The following FAM161A variants were observed in gnomAD, a reference collection of about 807,000 sequenced individuals.
FAM161A encodes FAM161 centrosomal protein A.
In FAM161A, 57 loss-of-function variants were observed where a neutral mutation model predicts 70.9. That is an observed-to-expected ratio of 0.80 (90% confidence interval 0.65 to 1.00). FAM161A has a LOEUF of 1.00. FAM161A is among the 50% of genes least tolerant of loss of function. The pLI is 0.00. For missense variants in FAM161A, 880 were observed against 836.0 expected (o/e 1.05, Z -0.65); for synonymous variants, 299 against 295.7 (o/e 1.01, Z -0.12).
the FAM161A span, among the ~76,000 whole-genome samples, chr2:61,804,768 GAGAAAGAAAGAAAGAAAGAAAGAA>G: frequency 1.7e-5 from 2 of 118,952 alleles, no homozygotes; most frequent in Non-Finnish European, 3.5e-5. Context: ...GAAAAAGAAA[GAGAAAGAAAGAAAGAAAGAAAGAA>G]AGAAAGAAAG....
intron 4 of FAM161A, among the ~76,000 whole-genome samples, chr2:61,837,712 C>T (rs1572874465): frequency 6.6e-6 from 1 of 151,962 alleles, no homozygotes; most frequent in African/African-American, 2.4e-5. Flanking sequence ...GCCTAGGTGA[C>T]AGAGCGAGAC....
downstream of FAM161A, chr2:61,820,678 G>A: frequency 7.0e-6 from 3 of 426,308 alleles, no homozygotes; most frequent in Non-Finnish European, 1.3e-5. Context: ...ACAAGGGAAA[G>A]TTTTTATCAT....
chr2:61,821,439 G>C (rs1389862414), downstream of FAM161A, among the ~76,000 whole-genome samples: 2 of 152,026 alleles, frequency 1.3e-5, no homozygotes, highest in Non-Finnish European at 2.9e-5. Flanking sequence ...ATTTGCCAAA[G>C]ACCACAGTCT....
chr2:61,817,124 T>C, the FAM161A span, among the ~76,000 whole-genome samples: 1 of 152,224 alleles, frequency 6.6e-6, no homozygotes, highest in African/African-American at 2.4e-5. Flanking sequence ...CTCGGTCAGA[T>C]GGCAGACGGT....
chr2:61,844,467 G>A (rs958133471), intron 1 of FAM161A, among the ~76,000 whole-genome samples: 2 of 152,214 alleles, frequency 1.3e-5, no homozygotes, highest in South Asian at 2.1e-4. Context: ...GGGAGGCCGA[G>A]GCAGCCAGAT....
chr2:61,839,953 T>C lies in FAM161A; in HGVS notation c.1051A>G (p.Lys351Glu), dbSNP rs768995854. ...GGTCTGGCTTTAAATCGATTTGTTT[T>C]CTTTTTATACTTAAGAAAGTCTCTC... Reference protein sequence around the residue: ...QLRDFLKYKKKTNRFKARPIP... With the variant: ...QLRDFLKYKKETNRFKARPIP... Residue 351 changes from lysine (K) to glutamate (E), a missense_variant, in exon 3 of 7, where the codon AAA (lysine) becomes GAA (glutamate). Coordinates refer to ENST00000404929, the MANE Select transcript of FAM161A (RefSeq NM_001201543.2). 1.2e-6 allele frequency: 2 copies of C among 1,614,242 alleles called. No individual in the cohort carries two copies. The highest frequency in any genetic ancestry group is 2.2e-5 in the East Asian group (1 of 44,888).
At chr2:61,830,641 G>A (rs1027710102) in intron 5 of FAM161A, among the ~76,000 whole-genome samples, 13 of 134,406 alleles carry the variant, frequency 9.7e-5, no homozygotes, top group Admixed American at 7.0e-4. Flanking sequence ...CCGAGATCAC[G>A]CCACTGCACT....
chr2:61,818,598 T>C, the FAM161A span, among the ~76,000 whole-genome samples: 22 of 152,320 alleles, frequency 1.4e-4, no homozygotes, highest in Middle Eastern at 3.4e-3. Context: ...ATTTTAATGA[T>C]GGTAACACAT....
chr2:61,817,952 T>G, the FAM161A span, among the ~76,000 whole-genome samples: 1 of 151,948 alleles, frequency 6.6e-6, no homozygotes, highest in African/African-American at 2.4e-5. Context: ...AGCAAGACCC[T>G]GTCTGGAACA....
Position 61,826,396 on chromosome 2 carries a change from C to A in FAM161A, c.*59G>T. 1 of 1,585,424 alleles carries A rather than the reference C, an allele frequency of 6.3e-7. No individual in the cohort carries two copies. The highest frequency in any genetic ancestry group is 1.1e-5 in the South Asian group (1 of 88,900). On this transcript the variant is annotated 3_prime_UTR_variant, in exon 7 of 7. Coordinates refer to ENST00000404929, the MANE Select transcript of FAM161A (RefSeq NM_001201543.2). ...ACAGATGTTCTAAACACAAATGCGG[C>A]TGCTGACACCCTGACGCTGCAAACA...
At chr2:61,804,768 G>GAAAGAAAAAGAAAGAA in the FAM161A span, among the ~76,000 whole-genome samples, 48 of 119,038 alleles carry the variant, frequency 4.0e-4, 1 homozygote, top group African/African-American at 1.5e-3. Flanking sequence ...GAAAAAGAAA[G>GAAAGAAAAAGAAAGAA]AGAAAGAAAG....
chr2:61,801,085 G>A, the FAM161A span, among the ~76,000 whole-genome samples: 14 of 152,046 alleles, frequency 9.2e-5, no homozygotes, highest in East Asian at 1.9e-4. Context: ...GTGAGCCACC[G>A]CACTCAGCCA....
At chr2:61,840,903 G>A (rs1442506056) in intron 2 of FAM161A, among the ~76,000 whole-genome samples, 1 of 152,094 alleles carries the variant, frequency 6.6e-6, no homozygotes, top group Admixed American at 6.6e-5. Flanking sequence ...GCCTGCCTCC[G>A]CCTCCCAAAG....
At chr2:61,848,896 T>A (rs1340755909) in intron 1 of FAM161A, among the ~76,000 whole-genome samples, 4 of 1,178 alleles carry the variant, frequency 3.4e-3, no homozygotes, top group Non-Finnish European at 7.4e-3. Flanking sequence ...TTATATATAT[T>A]TATATATATA....
rs1053848571 is a variant in FAM161A at position 61,826,038 on chromosome 2, T to C, written c.*417A>G. The C allele has an allele frequency of 6.6e-6, 3 of 455,264 alleles. No homozygotes were observed. The highest frequency in any genetic ancestry group is 6.0e-5 in the African/African-American group (3 of 50,034). 28.2% of individuals were successfully genotyped at this position (455,264 alleles called of 1,614,324 possible). ...GAAAAAGAATGGGCAAATAGTATAATTAAAAATAGTTATTGATTCACACTT... is the reference window on the plus strand; with the variant it reads ...GAAAAAGAATGGGCAAATAGTATAACTAAAAATAGTTATTGATTCACACTT... On this transcript the variant is annotated 3_prime_UTR_variant, in exon 7 of 7. Transcript: ENST00000404929.
chr2:61,825,388 A>G lies in FAM161A; in HGVS notation c.*1067T>C. 1 of 454,254 alleles carries G rather than the reference A, an allele frequency of 2.2e-6. No individual in the cohort carries two copies. The highest frequency in any genetic ancestry group is 4.4e-6 in the Non-Finnish European group (1 of 226,792). 28.1% of individuals were successfully genotyped at this position (454,254 alleles called of 1,614,324 possible). ...TAGCCAAGTTATTATGCACAATTTC[A>G]TCATATAAAAAAAGGGATACTTGCC... On this transcript the variant is annotated 3_prime_UTR_variant, in exon 7 of 7. Coordinates refer to ENST00000404929, the MANE Select transcript of FAM161A (RefSeq NM_001201543.2).
rs1158233806 is a variant in FAM161A at position 61,848,916 on chromosome 2, TTA to T, written c.183+4941_183+4942del. On this transcript the variant is annotated intron_variant, in intron 1 of 6. Coordinates refer to ENST00000404929, the MANE Select transcript of FAM161A (RefSeq NM_001201543.2). ...TATATTTATATATATATTTATATAT[TTA>T]TATATATTTATATATATATATTTAT... Among the ~76,000 whole-genome samples the T allele has an allele frequency of 6.1e-3, 4 of 658 alleles. 1 individual carries two copies. The highest frequency in any genetic ancestry group is 0.047 in the African/African-American group (4 of 86). 0.4% of individuals were successfully genotyped at this position (658 alleles called of 152,430 possible).
chr2:61,843,396 G>A (rs1673091026), intron 1 of FAM161A, among the ~76,000 whole-genome samples: 1 of 151,036 alleles, frequency 6.6e-6, no homozygotes, highest in African/African-American at 2.4e-5. Context: ...CAAAGTGCTG[G>A]GATTATGGGC....
At chr2:61,840,609 C>G in intron 2 of FAM161A, 28 bp from the exon 3 acceptor site, 2 of 1,475,222 alleles carry the variant, frequency 1.4e-6, no homozygotes, top group Non-Finnish European at 1.9e-6. Flanking sequence ...CTATGTTATA[C>G]TTTCAGTTGT....
Sources: gnomAD v4.1 joint callset for allele counts (sites outside exome capture counted in the v4.1 genomes callset) on GRCh38, gnomAD v4.1.1 for gene constraint, MANE v1.5 for transcripts, NCBI Gene and HGNC (gene_info 2026-07-23, HGNC 2026-07-21) for gene names.